MAST4: variants seen among roughly 807,000 people sequenced by gnomAD.
MAST4 encodes the protein microtubule-associated serine/threonine-protein kinase 4.
Under a neutral mutation model 162.7 loss-of-function variants are expected in MAST4, and 89 were observed. The observed-to-expected ratio is 0.55, with a 90% CI of 0.46 to 0.65. The LOEUF (loss-of-function observed/expected upper bound fraction) is 0.65, where lower values mean the gene tolerates loss of function less well. Among genes scored for constraint, MAST4 ranks in the 30% least tolerant of loss-of-function variants. The probability of loss-of-function intolerance (pLI) is 0.00; values close to 1 mark genes in which losing one functional copy is unlikely to be tolerated. For missense variants in MAST4, 3,153 were observed against 3,374.0 expected (o/e 0.93, Z 1.62); for synonymous variants, 1,479 against 1,361.1 (o/e 1.09, Z -1.91).
chr5:66,764,371 A>G (rs1338207234), intron 2 of MAST4, among the ~76,000 whole-genome samples: 6 of 152,192 alleles, frequency 3.9e-5, no homozygotes, highest in South Asian at 4.1e-4. Flanking sequence ...CTAATTTTAT[A>G]TTGGCTAATG....
At chr5:66,654,439 T>C (rs1477177178) in intron 1 of MAST4, among the ~76,000 whole-genome samples, 1 of 151,970 alleles carries the variant, frequency 6.6e-6, no homozygotes, top group Non-Finnish European at 1.5e-5. Flanking sequence ...AGAGATGGAG[T>C]GGTCAAAGAG....
chr5:67,066,178 C>G (rs1353304575), intron 5 of MAST4, among the ~76,000 whole-genome samples: 2 of 150,728 alleles, frequency 1.3e-5, no homozygotes, highest in Non-Finnish European at 3.0e-5. Flanking sequence ...CTTCTATTTA[C>G]AAAAGCTGTA....
chr5:66,612,743 C>T (rs1394665240), intron 1 of MAST4, among the ~76,000 whole-genome samples: 3 of 152,038 alleles, frequency 2.0e-5, no homozygotes, highest in Non-Finnish European at 4.4e-5. Flanking sequence ...TCCATGGTGC[C>T]TTGACGATTT....
At chr5:66,796,057 A>G (rs1411390345) in intron 3 of MAST4, among the ~76,000 whole-genome samples, 2 of 152,226 alleles carry the variant, frequency 1.3e-5, no homozygotes, top group African/African-American at 4.8e-5. Context: ...ATTATAGGTC[A>G]GGCCTAATCC....
chr5:66,808,090 C>T (rs1034214186), intron 3 of MAST4, among the ~76,000 whole-genome samples: 1 of 152,238 alleles, frequency 6.6e-6, no homozygotes, highest in African/African-American at 2.4e-5. Flanking sequence ...GTCCAATGCA[C>T]TCTTTTCCCA....
intron 4 of MAST4, among the ~76,000 whole-genome samples, chr5:66,902,051 CTCTT>C (rs763643681): frequency 5.5e-4 from 83 of 152,280 alleles, no homozygotes; most frequent in Admixed American, 1.2e-3. Flanking sequence ...TGTTAACACT[CTCTT>C]AGTTTATTTA....
intron 4 of MAST4, among the ~76,000 whole-genome samples, chr5:67,041,190 A>G (rs968606604): frequency 2.6e-5 from 4 of 152,166 alleles, no homozygotes; most frequent in Non-Finnish European, 5.9e-5. Flanking sequence ...AGTTGTTCCA[A>G]AGCACTGAAG....
At chr5:66,748,243 G>A (rs1194693123) in intron 1 of MAST4, among the ~76,000 whole-genome samples, 1 of 152,008 alleles carries the variant, frequency 6.6e-6, no homozygotes, top group Non-Finnish European at 1.5e-5. Flanking sequence ...CAACTGCTGT[G>A]TCCAGAGCAA....
At chr5:66,683,146 CAT>C (rs1748436309) in intron 1 of MAST4, among the ~76,000 whole-genome samples, 1 of 152,174 alleles carries the variant, frequency 6.6e-6, no homozygotes, top group South Asian at 2.1e-4. Flanking sequence ...TGTGCCAAAG[CAT>C]AAGCTCCTGT....
intron 14 of MAST4, 132 bp downstream of exon 14, chr5:67,121,234 A>C: frequency 1.6e-6 from 1 of 642,616 alleles, no homozygotes; most frequent in Non-Finnish European, 2.6e-6. Flanking sequence ...TCCTTTCCTG[A>C]GGCTTGTACT....
chr5:66,770,363 C>T (rs769792719), intron 2 of MAST4, among the ~76,000 whole-genome samples: 3 of 152,120 alleles, frequency 2.0e-5, no homozygotes, highest in East Asian at 1.9e-4. Context: ...TAATGGGAGG[C>T]GCAGCTGTCA....
At chr5:66,626,220 C>T (rs1425241854) in intron 1 of MAST4, among the ~76,000 whole-genome samples, 3 of 152,078 alleles carry the variant, frequency 2.0e-5, no homozygotes, top group South Asian at 2.1e-4. Context: ...TTATTATATA[C>T]TTAGAATTTG....
chr5:66,818,797 C>T (rs1580528705), intron 3 of MAST4, among the ~76,000 whole-genome samples: 1 of 152,172 alleles, frequency 6.6e-6, no homozygotes, highest in African/African-American at 2.4e-5. Flanking sequence ...CTGGGCCCTT[C>T]GTTCTGGCAT....
At chr5:66,827,931 T>C (rs757407045) in intron 3 of MAST4, among the ~76,000 whole-genome samples, 3 of 152,202 alleles carry the variant, frequency 2.0e-5, no homozygotes, top group Non-Finnish European at 4.4e-5. Context: ...CATCTCTTGG[T>C]TGCTTTCAAT....
chr5:67,165,692 G>C lies in MAST4; in HGVS notation c.6513G>C (p.Glu2171Asp). Reference sequence around the variant, plus strand: ...CGGGGGCCAAGCCCAGCACTGCAGAGCCCAGCTCGAGCCCCCAGGACCCTC... The same window carrying C: ...CGGGGGCCAAGCCCAGCACTGCAGACCCCAGCTCGAGCCCCCAGGACCCTC... ...REPGAKPSTA[E>D]PSSSPQDPPK... The change falls in exon 29 of 29, where the codon GAG becomes GAC. Residue 2171 changes from glutamate (E) to aspartate (D), a missense_variant. Physicochemically the swap from Glu to Asp is conservative, Grantham distance 45. Transcript: ENST00000403625. 6.3e-7 allele frequency: 1 copy of C among 1,582,976 alleles called. No homozygotes were observed. Among genetic ancestry groups the C allele is most frequent in the Non-Finnish European group, 8.6e-7 (1 of 1,165,494 alleles).
At chr5:67,013,316 G>C (rs769922160) in intron 4 of MAST4, among the ~76,000 whole-genome samples, 7 of 152,166 alleles carry the variant, frequency 4.6e-5, no homozygotes, top group African/African-American at 1.7e-4. Context: ...ATCTTTTAGA[G>C]GTAGTATATT....
chr5:66,597,131 G>A, intron 1 of MAST4, 113 bp downstream of exon 1: 1 of 1,228,720 alleles, frequency 8.1e-7, no homozygotes, highest in Non-Finnish European at 1.0e-6. Context: ...AGATAGGGAG[G>A]GACCCCAAGC....
chr5:67,157,321 A>C (rs992384617), intron 26 of MAST4, among the ~76,000 whole-genome samples: 13 of 152,188 alleles, frequency 8.5e-5, no homozygotes, highest in African/African-American at 2.7e-4. Flanking sequence ...CTGTAAGTTA[A>C]ATGAATTTTC....
intron 1 of MAST4, among the ~76,000 whole-genome samples, chr5:66,673,238 C>T (rs1747719472): frequency 6.6e-6 from 1 of 152,046 alleles, no homozygotes; most frequent in South Asian, 2.1e-4. Flanking sequence ...ACTTTCTCAG[C>T]TGCTTATAAA....
Sources: allele counts gnomAD v4.1 joint callset (sites outside exome capture counted in the v4.1 genomes callset), GRCh38; gene constraint gnomAD v4.1.1; transcripts MANE v1.5; gene names NCBI Gene and HGNC (gene_info 2026-07-23, HGNC 2026-07-21).